Variants in CLGN observed in about 807,000 individuals in gnomAD.
CLGN encodes the protein testis tissue sperm-binding protein Li 79P.
A neutral mutation model predicts 79.1 loss-of-function variants in CLGN; 62 were observed. The ratio of observed to expected loss-of-function variants is 0.78; its 90% CI spans 0.64 to 0.97. CLGN has a LOEUF of 0.97. CLGN is among the 50% of genes least tolerant of loss of function. CLGN has a pLI of 0.00. For synonymous variants in CLGN, 225 were observed against 224.7 expected (o/e 1.00, Z -0.01); for missense variants, 647 against 715.5 (o/e 0.90, Z 1.09).
intron 1 of CLGN, among the ~76,000 whole-genome samples, chr4:140,415,442 T>G (rs1729309633): frequency 1.3e-5 from 2 of 151,916 alleles, no homozygotes; most frequent in Admixed American, 6.6e-5. Flanking sequence ...CAGTGTGCTG[T>G]ATTCAGGAAA....
At position 140,392,225 on chromosome 4, in the gene CLGN, C is replaced by A. The variant is rs1260765057; in HGVS notation, c.1645G>T (p.Glu549Ter). The A allele has an allele frequency of 6.2e-7, 1 of 1,611,572 alleles. No individual in the cohort carries two copies. The highest frequency in any genetic ancestry group is 1.7e-5 in the Admixed American group (1 of 59,562). The change falls in exon 13 of 15, where the codon GAA becomes TAA. Residue 549 changes from glutamate (E) to a stop codon, truncating the protein, a stop_gained. Coordinates refer to ENST00000325617, the MANE Select transcript of CLGN (RefSeq NM_004362.3). LOFTEE classifies it high-confidence loss of function. ...EKKQNDGEML[E>*]KEEESEPEEK... ...ATCACTCTCATCATCTTACCTTTTT[C>A]AAGCATTTCACCATCATTTTGCTTT...
At chr4:140,407,714 G>T (rs1729134879) in intron 4 of CLGN, among the ~76,000 whole-genome samples, 1 of 151,988 alleles carries the variant, frequency 6.6e-6, no homozygotes, top group Non-Finnish European at 1.5e-5. Flanking sequence ...CACATCCCAT[G>T]CTCATGGATT....
In CLGN at chr4:140,400,402, G is replaced by T. The variant is rs1226145208; in HGVS notation, c.649C>A (p.Leu217Ile). ...EKHAKPPDVDLKKFFTDRKTH... is the reference protein window; with the variant it reads ...EKHAKPPDVDIKKFFTDRKTH... The stretch of plus-strand genomic sequence containing the variant: ...TTCCTGTCTGTAAAGAACTTTTTAA[G>T]GTCTACATCTGGAGGTTTGGCATGT... The change falls in exon 7 of 15, where the codon CTT becomes ATT. Residue 217 changes from leucine (L) to isoleucine (I), a missense_variant. By Grantham distance (5) the Leu-to-Ile change is conservative. Coordinates refer to ENST00000325617, the MANE Select transcript of CLGN (RefSeq NM_004362.3). 1 of 1,612,888 alleles carries T rather than the reference G, an allele frequency of 6.2e-7. No individual in the cohort carries two copies. The highest frequency in any genetic ancestry group is 8.5e-7 in the Non-Finnish European group (1 of 1,179,356).
At chr4:140,389,875 G>A (rs1229121747) in intron 14 of CLGN, among the ~76,000 whole-genome samples, 1 of 151,760 alleles carries the variant, frequency 6.6e-6, no homozygotes, top group East Asian at 1.9e-4. Flanking sequence ...TTCATCACAT[G>A]CAAGAGCAGG....
intron 5 of CLGN, among the ~76,000 whole-genome samples, chr4:140,404,078 T>C (rs1040429957): frequency 3.3e-5 from 5 of 151,876 alleles, no homozygotes; most frequent in Non-Finnish European, 7.4e-5. Context: ...TTTAATTTTA[T>C]TTTTATTTAT....
At chr4:140,416,468 GAAAA>G (rs1445170877) in intron 1 of CLGN, among the ~76,000 whole-genome samples, 2 of 151,268 alleles carry the variant, frequency 1.3e-5, no homozygotes. Context: ...GACTAATAAA[GAAAA>G]AAAGAGAGAA....
At chr4:140,405,792 T>C in intron 5 of CLGN, 150 bp downstream of exon 5, 1 of 638,746 alleles carries the variant, frequency 1.6e-6, no homozygotes, top group East Asian at 3.1e-5. Context: ...TGGATATGTT[T>C]GTGTGTATAT....
At position 140,424,337 on chromosome 4, in the gene CLGN, G is replaced by C. The variant is rs138446252; in HGVS notation, c.-10+3200C>G. Among the ~76,000 whole-genome samples, 3 of 152,026 alleles carry C rather than the reference G, an allele frequency of 2.0e-5. No homozygotes were observed. In the East Asian group the frequency reaches 5.8e-4, roughly 29 times the overall value. The stretch of plus-strand genomic sequence containing the variant: ...TTTTTCTTGTTTTCCTTCTACTATT[G>C]ATTTCTAGTTCCTTTCCTTTGTGTT... On this transcript the variant is annotated intron_variant, in intron 1 of 14. Transcript: ENST00000325617.
chr4:140,401,886 T>C (rs1443451828), intron 6 of CLGN, 99 bp downstream of exon 6: 1 of 676,024 alleles, frequency 1.5e-6, no homozygotes, highest in Non-Finnish European at 2.5e-6. Flanking sequence ...ACAATTCTTT[T>C]CAATTTCAGT....
At chr4:140,391,099 C>T (rs1420274234) in intron 13 of CLGN, among the ~76,000 whole-genome samples, 1 of 151,638 alleles carries the variant, frequency 6.6e-6, no homozygotes, top group Non-Finnish European at 1.5e-5. Flanking sequence ...GGACATCATG[C>T]ATTTTTTCAG....
At chr4:140,396,060 G>A (rs770657336) in intron 9 of CLGN, 32 bp downstream of exon 9, 1 of 1,610,130 alleles carries the variant, frequency 6.2e-7, no homozygotes, top group African/African-American at 1.3e-5. Flanking sequence ...AGAAACATTT[G>A]AAATCGACAT....
chr4:140,402,208 C>T (rs1343465031), intron 5 of CLGN, 142 bp from the exon 6 acceptor site: 1 of 461,484 alleles, frequency 2.2e-6, no homozygotes, highest in Non-Finnish European at 3.8e-6. Flanking sequence ...ATATCTACAA[C>T]CTATAGGAAA....
At chr4:140,418,111 C>G (rs1201560622) in intron 1 of CLGN, among the ~76,000 whole-genome samples, 24 of 150,606 alleles carry the variant, frequency 1.6e-4, no homozygotes, top group East Asian at 3.9e-4. Flanking sequence ...AAAGGATTCC[C>G]TATTTAATAA....
chr4:140,427,090 C>A (rs1324390232), intron 1 of CLGN, among the ~76,000 whole-genome samples: 1 of 131,496 alleles, frequency 7.6e-6, no homozygotes, highest in African/African-American at 2.8e-5. Context: ...CGCCCCGGGC[C>A]CCCTCTACAA....
intron 13 of CLGN, 34 bp from the exon 14 acceptor site, chr4:140,390,762 A>C (rs1728757884): frequency 7.1e-7 from 1 of 1,411,098 alleles, no homozygotes; most frequent in East Asian, 2.4e-5. Flanking sequence ...GCAAAGACTC[A>C]ATAAATTAGA....
chr4:140,392,144 A>C, intron 13 of CLGN, 75 bp downstream of exon 13: 1 of 1,436,116 alleles, frequency 7.0e-7, no homozygotes, highest in Non-Finnish European at 9.5e-7. Context: ...TATAATAACT[A>C]GTTATTTCAA....
intron 8 of CLGN, among the ~76,000 whole-genome samples, chr4:140,397,567 T>C (rs1373259816): frequency 6.6e-6 from 1 of 152,146 alleles, no homozygotes; most frequent in Non-Finnish European, 1.5e-5. Flanking sequence ...TATTCCAATA[T>C]AATTTTTAAA....
chr4:140,406,234 G>T, intron 4 of CLGN, 151 bp from the exon 5 acceptor site: 1 of 657,754 alleles, frequency 1.5e-6, no homozygotes. Flanking sequence ...AACTATATAT[G>T]TATGCCTGCT....
intron 1 of CLGN, among the ~76,000 whole-genome samples, chr4:140,420,538 T>C (rs1243093704): frequency 1.6e-5 from 2 of 125,806 alleles, no homozygotes; most frequent in Admixed American, 8.7e-5. Flanking sequence ...CTATTGTTTT[T>C]ATTTGTTCTT....
Sources: allele counts gnomAD v4.1 joint callset (sites outside exome capture counted in the v4.1 genomes callset), GRCh38; gene constraint gnomAD v4.1.1; transcripts MANE v1.5; gene names NCBI Gene and HGNC (gene_info 2026-07-23, HGNC 2026-07-21).